The following BTBD9 variants were observed in gnomAD, a reference collection of about 807,000 sequenced individuals.
BTBD9 encodes BTB domain containing 9, also known as BTB/POZ domain-containing protein 9.
BTBD9 carries 49 observed loss-of-function variants against 64.3 expected under a neutral mutation model. The observed-to-expected ratio is 0.76, with a 90% CI of 0.61 to 0.97. The LOEUF is 0.97. BTBD9 is among the 50% of genes least tolerant of loss of function. The probability of loss-of-function intolerance (pLI) is 0.00; values close to 1 mark genes in which losing one functional copy is unlikely to be tolerated. For missense variants in BTBD9, 598 were observed against 762.1 expected, an observed-to-expected ratio of 0.78 and a Z score of 2.53; for synonymous variants, 260 against 274.7, an observed-to-expected ratio of 0.95 and a Z score of 0.53.
intron 1 of BTBD9, among the ~76,000 whole-genome samples, chr6:38,602,945 C>A (rs767681686): frequency 4.6e-5 from 7 of 152,090 alleles, no homozygotes; most frequent in Non-Finnish European, 7.4e-5. Context: ...TATATCCCAA[C>A]TAAAGATCTT....
chr6:38,543,739 C>T (rs910148298), intron 6 of BTBD9, among the ~76,000 whole-genome samples: 5 of 152,040 alleles, frequency 3.3e-5, no homozygotes, highest in African/African-American at 7.2e-5. Context: ...GGGCGGATCA[C>T]GAGGTCAGGA....
At chr6:38,423,943 T>C (rs933117549) in intron 6 of BTBD9, among the ~76,000 whole-genome samples, 6 of 151,972 alleles carry the variant, frequency 3.9e-5, no homozygotes, top group Non-Finnish European at 7.3e-5. Context: ...TACAGGACCA[T>C]GGGCAAGTTA....
intron 6 of BTBD9, among the ~76,000 whole-genome samples, chr6:38,527,411 C>A (rs1221778972): frequency 6.6e-6 from 1 of 151,748 alleles, no homozygotes; most frequent in Non-Finnish European, 1.5e-5. Context: ...GTAATCCCCA[C>A]ATGTCAAGGG....
chr6:38,211,643 C>T (rs1476686744), intron 9 of BTBD9, among the ~76,000 whole-genome samples: 1 of 151,644 alleles, frequency 6.6e-6, no homozygotes, highest in African/African-American at 2.4e-5. Context: ...ACTCAGGAGG[C>T]GGAGGCACGA....
At chr6:38,319,091 G>A (rs1484534172) in intron 7 of BTBD9, among the ~76,000 whole-genome samples, 1 of 152,114 alleles carries the variant, frequency 6.6e-6, no homozygotes, top group African/African-American at 2.4e-5. Context: ...GTTCACTTCA[G>A]GCCCAAGGGC....
intron 6 of BTBD9, among the ~76,000 whole-genome samples, chr6:38,563,103 T>G (rs1000109303): frequency 6.6e-6 from 1 of 152,200 alleles, no homozygotes; most frequent in African/African-American, 2.4e-5. Flanking sequence ...CCCCATTTCA[T>G]TTTACAACTT....
At chr6:38,523,306 CTG>C (rs1340529391) in intron 6 of BTBD9, among the ~76,000 whole-genome samples, 1 of 152,160 alleles carries the variant, frequency 6.6e-6, no homozygotes, top group East Asian at 1.9e-4. Context: ...AACATCCTAA[CTG>C]GTCACCCTGC....
intron 6 of BTBD9, among the ~76,000 whole-genome samples, chr6:38,541,367 AC>A (rs1280540613): frequency 6.6e-6 from 1 of 152,240 alleles, no homozygotes; most frequent in Non-Finnish European, 1.5e-5. Context: ...GGAAGGGAAT[AC>A]GGGAATAAGG....
intron 6 of BTBD9, among the ~76,000 whole-genome samples, chr6:38,556,077 C>T (rs758494159): frequency 1.3e-5 from 2 of 152,038 alleles, no homozygotes; most frequent in Admixed American, 6.6e-5. Flanking sequence ...CTGCAAGGCT[C>T]GAGGTAATGA....
intron 6 of BTBD9, among the ~76,000 whole-genome samples, chr6:38,560,658 T>G (rs1270441767): frequency 6.6e-6 from 1 of 152,160 alleles, no homozygotes; most frequent in African/African-American, 2.4e-5. Flanking sequence ...AGGGGTTTGA[T>G]GCACAGATTA....
chr6:38,519,394 A>T (rs1370298382), intron 6 of BTBD9, among the ~76,000 whole-genome samples: 1 of 152,256 alleles, frequency 6.6e-6, no homozygotes, highest in Non-Finnish European at 1.5e-5. Flanking sequence ...GTATACTGAT[A>T]GCTGCAATTT....
At chr6:38,251,067 G>C (rs1764377510) in intron 9 of BTBD9, among the ~76,000 whole-genome samples, 1 of 148,698 alleles carries the variant, frequency 6.7e-6, no homozygotes. Flanking sequence ...GGGCGACAGA[G>C]AGAGACTATG....
At chr6:38,571,881 G>A (rs529697861) in intron 6 of BTBD9, 10 of 152,186 alleles carry the variant, frequency 6.6e-5, no homozygotes, top group African/African-American at 2.4e-4. Flanking sequence ...AATCATTTGA[G>A]CCCAGCAGGC....
chr6:38,220,247 C>T (rs537333450), intron 9 of BTBD9, among the ~76,000 whole-genome samples: 11 of 152,374 alleles, frequency 7.2e-5, no homozygotes, highest in African/African-American at 2.4e-4. Context: ...CTGACGTTCA[C>T]TAGTCCCACT....
chr6:38,377,124 G>C (rs778578615), intron 6 of BTBD9, among the ~76,000 whole-genome samples: 7 of 152,156 alleles, frequency 4.6e-5, no homozygotes, highest in Non-Finnish European at 7.4e-5. Flanking sequence ...TGTTCAGAAA[G>C]TACATGTTTC....
chr6:38,610,942 A>G lies in BTBD9; in HGVS notation c.-27-12821T>C, dbSNP rs139466977. 7.9e-5 allele frequency among the ~76,000 whole-genome samples: 12 copies of G among 152,186 alleles called. No homozygotes were observed. The East Asian group carries it at 2.3e-3, about 29-fold the overall frequency. On this transcript the variant is annotated intron_variant, in intron 1 of 10. Transcript: ENST00000481247. The stretch of plus-strand genomic sequence containing the variant: ...TGGGGGGGGGACTAAACGTCCATCA[A>G]TACGGTGAATGGAAAATATATTACA...
At chr6:38,456,365 C>T (rs1769807075) in intron 6 of BTBD9, among the ~76,000 whole-genome samples, 1 of 152,130 alleles carries the variant, frequency 6.6e-6, no homozygotes, top group Non-Finnish European at 1.5e-5. Context: ...TTTCACTTGT[C>T]TAAGGAGTGA....
chr6:38,539,987 A>T (rs2127436685), intron 6 of BTBD9, among the ~76,000 whole-genome samples: 1 of 152,296 alleles, frequency 6.6e-6, no homozygotes, highest in Admixed American at 6.5e-5. Context: ...GAGGGCAGGG[A>T]TGTTGATGTT....
intron 7 of BTBD9, among the ~76,000 whole-genome samples, chr6:38,337,928 T>C (rs1763957074): frequency 6.6e-6 from 1 of 152,194 alleles, no homozygotes; most frequent in Non-Finnish European, 1.5e-5. Flanking sequence ...CATGTTCTTG[T>C]CTATTTGTTT....
Sources: gnomAD v4.1 joint callset for allele counts (sites outside exome capture counted in the v4.1 genomes callset) on GRCh38, gnomAD v4.1.1 for gene constraint, MANE v1.5 for transcripts, NCBI Gene and HGNC (gene_info 2026-07-23, HGNC 2026-07-21) for gene names.